Variants in SIGLEC9 observed in about 807,000 individuals in gnomAD.
SIGLEC9 encodes sialic acid-binding Ig-like lectin 9.
Under a neutral mutation model 38.3 loss-of-function variants are expected in SIGLEC9, and 26 were observed. The observed-to-expected ratio is 0.68, with a 90% CI of 0.50 to 0.94. SIGLEC9 has a LOEUF of 0.94. SIGLEC9 is among the 40% of genes least tolerant of loss of function. The pLI is 0.00. For synonymous variants in SIGLEC9, 236 were observed against 248.0 expected, an observed-to-expected ratio of 0.95 and a Z score of 0.45; for missense variants, 556 against 585.7, an observed-to-expected ratio of 0.95 and a Z score of 0.52.
chr19:51,133,875 G>A (rs1033227428), downstream of SIGLEC9, among the ~76,000 whole-genome samples: 3 of 151,930 alleles, frequency 2.0e-5, no homozygotes, highest in African/African-American at 4.8e-5. Context: ...TCCATGTAAC[G>A]GCATAATACT....
rs748170583 is a variant in SIGLEC9, at chr19:51,129,951, G to A, written c.1264G>A (p.Ala422Thr). Residue 422 changes from alanine (A) to threonine (T), a missense_variant, in exon 7 of 7, where the codon GCC (alanine) becomes ACC (threonine). Physicochemically the swap from Ala to Thr is moderately conservative, Grantham distance 58. Transcript: ENST00000250360. ...CCCAGACCAGCCTCCCCCAGCTTCT[G>A]CCCGCTCCTCAGTGGGGGAAGGAGA... Reference protein sequence around the residue: ...SPPDQPPPASARSSVGEGELQ... With the variant: ...SPPDQPPPASTRSSVGEGELQ... 11 of 1,613,574 alleles carry A rather than the reference G, an allele frequency of 6.8e-6. No individual in the cohort carries two copies. In the South Asian group the frequency reaches 9.9e-5, roughly 14 times the overall value.
intron 3 of SIGLEC9, 95 bp downstream of exon 3, chr19:51,126,223 C>T (rs2091978559): frequency 8.1e-7 from 1 of 1,233,406 alleles, no homozygotes; most frequent in Admixed American, 1.7e-5. Flanking sequence ...CTTTGGCAAA[C>T]AGGGATGTCC....
chr19:51,121,548 T>G (rs1260796073), upstream of SIGLEC9, among the ~76,000 whole-genome samples: 1 of 151,170 alleles, frequency 6.6e-6, no homozygotes, highest in Non-Finnish European at 1.5e-5. Context: ...CTTAGTCCCC[T>G]GTCCTCCATC....
chr19:51,133,036 A>G (rs1395325558), downstream of SIGLEC9, among the ~76,000 whole-genome samples: 3 of 151,638 alleles, frequency 2.0e-5, no homozygotes, highest in African/African-American at 7.3e-5. Flanking sequence ...ATATAAGTTT[A>G]TATATATACA....
intron 6 of SIGLEC9, 118 bp downstream of exon 6, chr19:51,128,628 T>G: frequency 6.0e-6 from 5 of 836,518 alleles, no homozygotes; most frequent in Non-Finnish European, 9.5e-6. Context: ...CTTCCTTTCT[T>G]CTCTGTAGCC....
chr19:51,123,311 G>A (rs900748920), upstream of SIGLEC9, among the ~76,000 whole-genome samples: 2 of 152,218 alleles, frequency 1.3e-5, no homozygotes, highest in African/African-American at 4.8e-5. Context: ...TGAAGTGGCC[G>A]ATGCTAATCT....
downstream of SIGLEC9, among the ~76,000 whole-genome samples, chr19:51,132,692 C>A (rs149511648): frequency 2.3e-3 from 352 of 152,296 alleles, 1 homozygote; most frequent in Middle Eastern, 3.4e-3. Flanking sequence ...TCATTCTTGG[C>A]GTTCACTGCA....
intron 6 of SIGLEC9, among the ~76,000 whole-genome samples, chr19:51,129,645 G>T (rs2092003961): frequency 6.6e-6 from 1 of 151,978 alleles, no homozygotes; most frequent in Non-Finnish European, 1.5e-5. Flanking sequence ...TGCCTCCTAG[G>T]TTCAAGCGAT....
chr19:51,130,015 C>T lies in SIGLEC9; in HGVS notation c.1328C>T (p.Pro443Leu). Residue 443 changes from proline to leucine, a missense_variant, in exon 7 of 7, where the codon CCT becomes CTT. Transcript: ENST00000250360. ...TCCCTCAGCTTCCAGATGGTGAAGCCTTGGGACTCGCGGGGACAGGAGGCC... is the reference window on the plus strand; with the variant it reads ...TCCCTCAGCTTCCAGATGGTGAAGCTTTGGGACTCGCGGGGACAGGAGGCC... ...YASLSFQMVKPWDSRGQEATD... is the reference protein window; with the variant it reads ...YASLSFQMVKLWDSRGQEATD... 1.2e-6 allele frequency: 2 copies of T among 1,614,006 alleles called. No individual in the cohort carries two copies. The highest frequency in any genetic ancestry group is 1.7e-6 in the Non-Finnish European group (2 of 1,179,956).
At chr19:51,126,228 A>G in intron 3 of SIGLEC9, 100 bp downstream of exon 3, 1 of 1,213,040 alleles carries the variant, frequency 8.2e-7, no homozygotes. Context: ...GCAAACAGGG[A>G]TGTCCTTGTG....
chr19:51,121,137 G>A (rs1022367399), upstream of SIGLEC9, among the ~76,000 whole-genome samples: 2 of 151,914 alleles, frequency 1.3e-5, no homozygotes, highest in African/African-American at 4.8e-5. Context: ...GCACCACTGT[G>A]CCTGGCCAGA....
At chr19:51,129,171 G>GTTTTTTTTTTTTTTTTTTTTT (rs375911468) in intron 6 of SIGLEC9, among the ~76,000 whole-genome samples, 9 of 138,988 alleles carry the variant, frequency 6.5e-5, no homozygotes, top group African/African-American at 2.4e-4. Context: ...TGTTGTTGTT[G>GTTTTTTTTTTTTTTTTTTTTT]TTTTTGAGAC....
At chr19:51,126,886 T>A (rs1483212445) in intron 3 of SIGLEC9, 144 bp from the exon 4 acceptor site, 2 of 676,468 alleles carry the variant, frequency 3.0e-6, no homozygotes, top group African/African-American at 3.6e-5. Context: ...AAGTTTACAT[T>A]CCCAGCAGTG....
chr19:51,121,280 G>A (rs567831305), upstream of SIGLEC9, among the ~76,000 whole-genome samples: 52 of 151,968 alleles, frequency 3.4e-4, no homozygotes, highest in African/African-American at 1.2e-3. Context: ...CTCGGCCTCT[G>A]GAGTAGCTGG....
Position 51,136,143 on chromosome 19 carries a change from G to A in SIGLEC9, c.1385G>A (p.Trp462Ter), listed in dbSNP as rs1405740734. The A allele has an allele frequency of 1.4e-6, 1 of 703,606 alleles. No homozygotes were observed. The highest frequency in any genetic ancestry group is 2.6e-6 in the Non-Finnish European group (1 of 385,006). The allele number at this position is 703,606 out of a possible 1,614,324, so 43.6% of individuals were successfully genotyped here. A position where few individuals can be genotyped will look rare whatever the true frequency, so the allele number is the denominator to read the frequency against. Reference sequence around the variant, plus strand: ...TGGTCACTTGAAGGTAAAATACTCTGGCTTTTGGATGTGTCAGATTTCTTT... The same window carrying A: ...TGGTCACTTGAAGGTAAAATACTCTAGCTTTTGGATGTGTCAGATTTCTTT... Residue 462 changes from tryptophan (W) to a stop codon, truncating the protein, a stop_gained, in exon 7 of 7, where the codon TGG (tryptophan) becomes TAG (stop). Coordinates refer to the SIGLEC9 transcript ENST00000440804. LOFTEE classifies it high-confidence loss of function.
chr19:51,132,290 G>A (rs73932816), downstream of SIGLEC9, among the ~76,000 whole-genome samples: 4,755 of 152,258 alleles, frequency 0.031, 250 homozygotes, highest in African/African-American at 0.11. Context: ...CATTTTCTAT[G>A]TGGTGCAGAA....
intron 1 of SIGLEC9, 38 bp downstream of exon 1, chr19:51,125,433 T>G (rs1599815628): frequency 6.4e-7 from 1 of 1,557,044 alleles, no homozygotes; most frequent in South Asian, 1.2e-5. Flanking sequence ...CAGGGAAAGG[T>G]CATGGGGGCG....
rs575753553 is a variant in SIGLEC9, at chr19:51,125,541, C to G, written c.422-56C>G. On this transcript the variant is annotated intron_variant, in intron 1 of 6. Coordinates refer to ENST00000250360, the MANE Select transcript of SIGLEC9 (RefSeq NM_014441.3). ...AGCTGGACCAGAGCCTGAGCTCCCC[C>G]CAGGGCTGCACCATGGATCCTCTGA... 3.1e-5 allele frequency: 50 copies of G among 1,596,598 alleles called. 1 individual carries two copies. The highest frequency in any genetic ancestry group is 3.1e-4 in the South Asian group (28 of 90,326).
downstream of SIGLEC9, among the ~76,000 whole-genome samples, chr19:51,133,034 T>TTA (rs917475842): frequency 6.6e-6 from 1 of 151,608 alleles, no homozygotes; most frequent in Non-Finnish European, 1.5e-5. Flanking sequence ...AAATATAAGT[T>TTA]TATATATATA....
Sources: gnomAD v4.1 joint callset for allele counts (sites outside exome capture counted in the v4.1 genomes callset) on GRCh38, gnomAD v4.1.1 for gene constraint, MANE v1.5 for transcripts, NCBI Gene and HGNC (gene_info 2026-07-23, HGNC 2026-07-21) for gene names.